Variants in RNPC3 observed in about 807,000 individuals in gnomAD.
The protein encoded by RNPC3 is RNA-binding region-containing protein 3.
In RNPC3, 48 loss-of-function variants were observed where a neutral mutation model predicts 67.5. The ratio of observed to expected loss-of-function variants is 0.71; its 90% confidence interval spans 0.56 to 0.90. RNPC3 has a LOEUF of 0.90. Ranked by LOEUF, RNPC3 falls within the 40% of genes least tolerant of loss-of-function variation. The pLI, the probability that RNPC3 is intolerant of heterozygous loss-of-function variation, is 0.00. For missense variants in RNPC3, 637 were observed against 626.1 expected (o/e 1.02, Z -0.19); for synonymous variants, 239 against 210.3 (o/e 1.14, Z -1.18).
chr1:103,531,958 T>C (rs1477541586), intron 2 of RNPC3, among the ~76,000 whole-genome samples: 1 of 152,238 alleles, frequency 6.6e-6, no homozygotes, highest in Admixed American at 6.5e-5. Context: ...TTTTATGGTT[T>C]CAGGTCTTAG....
rs528545519 is a variant in RNPC3, at chr1:103,555,023, T to C, written c.*13-11T>C. On this transcript the variant is annotated splice_polypyrimidine_tract_variant and intron_variant, in intron 14 of 14. Coordinates refer to ENST00000423855, the MANE Select transcript of RNPC3 (RefSeq NM_017619.4). ...ACTTCCTATTTTTAATGGGCTTTTA[T>C]GATGTTTTAGGTTTTTTTGAATCCC... The C allele has an allele frequency of 1.3e-5, 2 of 152,246 alleles. No individual in the cohort carries two copies. Among genetic ancestry groups the C allele is most frequent in the Admixed American group, 6.5e-5 (1 of 15,296 alleles). 9.4% of individuals were successfully genotyped at this position (152,246 alleles called of 1,614,324 possible).
chr1:103,541,716 A>G lies in RNPC3; in HGVS notation c.893+241A>G, dbSNP rs571046810. Among the ~76,000 whole-genome samples, 5 of 152,236 alleles carry G rather than the reference A, an allele frequency of 3.3e-5. No individual in the cohort carries two copies. The South Asian group carries it at 1.0e-3, about 32-fold the overall frequency. The stretch of plus-strand genomic sequence containing the variant: ...CCTGTCTGCAGACTCAGAATATCTT[A>G]TAGGCACTTAAGATATTGTCGAAAA... On this transcript the variant is annotated intron_variant, in intron 8 of 14. Transcript: ENST00000423855.
intron 2 of RNPC3, among the ~76,000 whole-genome samples, chr1:103,529,949 C>T (rs1218106643): frequency 6.6e-6 from 1 of 152,148 alleles, no homozygotes; most frequent in Non-Finnish European, 1.5e-5. Flanking sequence ...GCCTTGGCCC[C>T]TGTTGTGAAC....
intron 3 of RNPC3, 111 bp downstream of exon 3, chr1:103,533,968 G>A (rs1290095571): frequency 1.5e-6 from 1 of 656,214 alleles, no homozygotes; most frequent in Non-Finnish European, 2.6e-6. Flanking sequence ...AATTGGAAGA[G>A]GAATGACAGA....
chr1:103,526,699 C>G (rs1650720347), intron 1 of RNPC3, among the ~76,000 whole-genome samples: 1 of 152,160 alleles, frequency 6.6e-6, no homozygotes, highest in Non-Finnish European at 1.5e-5. Context: ...ACATTGGTGA[C>G]TTGCGTAAAT....
At chr1:103,546,549 G>T in intron 11 of RNPC3, 1 of 366,052 alleles carries the variant, frequency 2.7e-6, no homozygotes, top group Non-Finnish European at 4.9e-6. Flanking sequence ...AGTAAATACT[G>T]AGACAGAGTT....
chr1:103,525,801 C>T lies in RNPC3; in HGVS notation c.-270C>T, dbSNP rs1650681391. On this transcript the variant is annotated 5_prime_UTR_variant, in exon 1 of 15. Coordinates refer to ENST00000423855, the MANE Select transcript of RNPC3 (RefSeq NM_017619.4). ...TTGACAACTTGTGTTAACCCTCGCA[C>T]ATCTCTGGGCCAATTTTTGCTTGTA... The T allele has an allele frequency of 2.7e-6, 1 of 374,806 alleles. No homozygotes were observed. The highest frequency in any genetic ancestry group is 4.5e-5 in the Admixed American group (1 of 22,188). The allele number at this position is 374,806 out of a possible 1,614,324, so 23.2% of individuals were successfully genotyped here.
chr1:103,551,241 A>G (rs1651380848), intron 13 of RNPC3, 168 bp downstream of exon 13: 1 of 582,840 alleles, frequency 1.7e-6, no homozygotes, highest in Admixed American at 3.6e-5. Context: ...AGTGTTATTT[A>G]GATTTTTAAT....
At chr1:103,527,432 A>C (rs916822684) in intron 1 of RNPC3, among the ~76,000 whole-genome samples, 4 of 152,124 alleles carry the variant, frequency 2.6e-5, no homozygotes, top group Admixed American at 2.6e-4. Flanking sequence ...CAGGTCTTTA[A>C]ACTTTTGGTC....
intron 7 of RNPC3, among the ~76,000 whole-genome samples, chr1:103,537,764 A>G (rs993001922): frequency 6.6e-6 from 1 of 152,118 alleles, no homozygotes; most frequent in East Asian, 1.9e-4. Flanking sequence ...TGTGGATTCC[A>G]TATCTGAGAA....
chr1:103,534,649 G>GTT (rs36141069), intron 3 of RNPC3, 125 bp from the exon 4 acceptor site: 1,884 of 512,156 alleles, frequency 3.7e-3, no homozygotes, highest in South Asian at 6.8e-3. Flanking sequence ...ATACTTGAAA[G>GTT]TTTTTTTTTT....
At chr1:103,527,504 A>G (rs958420455) in intron 1 of RNPC3, among the ~76,000 whole-genome samples, 191 bp from the exon 2 acceptor site, 1 of 152,200 alleles carries the variant, frequency 6.6e-6, no homozygotes, top group African/African-American at 2.4e-5. Flanking sequence ...CATAGCTTTC[A>G]TCTCAAGTCT....
chr1:103,540,639 C>T (rs933830634), intron 7 of RNPC3, among the ~76,000 whole-genome samples: 18 of 152,166 alleles, frequency 1.2e-4, no homozygotes, highest in African/African-American at 3.9e-4. Context: ...CCTCCTTCCT[C>T]TCTTTTGTAT....
chr1:103,538,657 CCTTAGAACATAA>C (rs1651051601), intron 7 of RNPC3, among the ~76,000 whole-genome samples: 1 of 152,148 alleles, frequency 6.6e-6, no homozygotes. Flanking sequence ...TTTATGGTAA[CCTTAGAACATAA>C]CTTAGAACAT....
chr1:103,537,503 T>G lies in RNPC3; in HGVS notation c.767+19T>G. On this transcript the variant is annotated intron_variant, in intron 7 of 14. Coordinates refer to ENST00000423855, the MANE Select transcript of RNPC3 (RefSeq NM_017619.4). ...GACAGAGGTTTGTAACATGAAAAAT[T>G]TGTTTAGTTTCCAAGAAACATAGAA... 2 of 1,526,534 alleles carry G rather than the reference T, an allele frequency of 1.3e-6. No homozygotes were observed. Among genetic ancestry groups the G allele is most frequent in the Non-Finnish European group, 8.8e-7 (1 of 1,141,016 alleles). 94.6% of individuals were successfully genotyped at this position (1,526,534 alleles called of 1,614,324 possible).
intron 12 of RNPC3, among the ~76,000 whole-genome samples, chr1:103,547,380 A>G (rs1489952092): frequency 6.6e-6 from 1 of 152,190 alleles, no homozygotes. Context: ...CAGGTCGGTG[A>G]TGGATTCCGA....
Position 103,536,161 on chromosome 1 carries a change from A to G in RNPC3, c.591A>G (p.Thr197=), listed in dbSNP as rs1266451686. 3 of 1,536,216 alleles carry G rather than the reference A, an allele frequency of 2.0e-6. No individual in the cohort carries two copies. In the African/African-American group the frequency reaches 4.1e-5, roughly 21 times the overall value. The change falls in exon 6 of 15, where the codon ACA becomes ACG. Residue 197 remains threonine, a synonymous_variant. Coordinates refer to ENST00000423855, the MANE Select transcript of RNPC3 (RefSeq NM_017619.4). ...TTATGAATAAAATGAATTTGCCCAC[A>G]CCTTTTGGACCAATTACTGCGCGAC... ...LHLMNKMNLP[T]PFGPITARPP... is the part of the protein sequence containing the mutation.
intron 2 of RNPC3, among the ~76,000 whole-genome samples, chr1:103,532,449 G>T (rs143963102): frequency 1.3e-5 from 2 of 152,054 alleles, no homozygotes; most frequent in African/African-American, 4.8e-5. Flanking sequence ...TCTATGGGGC[G>T]CTATCCATTA....
At chr1:103,526,393 A>G (rs953050375) in intron 1 of RNPC3, 131 bp downstream of exon 1, 1 of 671,444 alleles carries the variant, frequency 1.5e-6, no homozygotes, top group East Asian at 3.0e-5. Context: ...CCCCCATCCT[A>G]CCTCTTTTTT....
Sources: gnomAD v4.1 joint callset for allele counts (sites outside exome capture counted in the v4.1 genomes callset) on GRCh38, gnomAD v4.1.1 for gene constraint, MANE v1.5 for transcripts, NCBI Gene and HGNC (gene_info 2026-07-23, HGNC 2026-07-21) for gene names.